OR8B12: variants seen among roughly 807,000 people sequenced by gnomAD.
OR8B12 encodes olfactory receptor 8B12.
For missense variants in OR8B12, 383 were observed against 376.4 expected (o/e 1.02, Z -0.14); for synonymous variants, 152 against 148.8 (o/e 1.02, Z -0.16).
In OR8B12 at chr11:124,543,272, G is replaced by A. The variant is rs771008198; in HGVS notation, c.383C>T (p.Pro128Leu). The change falls in exon 1 of 1, where the codon CCA becomes CTA. Residue 128 changes from proline (P) to leucine (L), a missense_variant. By Grantham distance (98) the Pro-to-Leu change is moderately conservative. Transcript: ENST00000306842. ...AYDRYVAICN[P>L]LLYTVTMSCQ... The stretch of plus-strand genomic sequence containing the variant: ...AGACATGGTGACTGTGTACAACAGT[G>A]GGTTACAGATGGCCACGTAGCGGTC... The A allele has an allele frequency of 5.6e-6, 9 of 1,614,016 alleles. No homozygotes were observed. The highest frequency in any genetic ancestry group is 7.6e-6 in the Non-Finnish European group (9 of 1,179,986).
In OR8B12 at chr11:124,542,841, CT is replaced by C; in HGVS notation, c.813del (p.Val272CysfsTer8). 6.2e-7 allele frequency: 1 copy of C among 1,613,936 alleles called. No individual in the cohort carries two copies. Among genetic ancestry groups the C allele is most frequent in the Non-Finnish European group, 8.5e-7 (1 of 1,179,906 alleles). The stretch of plus-strand genomic sequence containing the variant: ...ATTATGGTATAGAACAGGGAGGACA[CT>C]TTCCCTTGCTCGAGGGGCAGGATGG... ...PLSILPLEQGKVSSLFYTIIV... is the reference protein window; with the variant it reads ...PLSILPLEQGXVSSLFYTIIV... On this transcript the variant is annotated frameshift_variant, in exon 1 of 1. Transcript: ENST00000306842. LOFTEE classifies it high-confidence loss of function.
rs1460599264 is a variant in OR8B12, at chr11:124,542,748, T to G, written c.907A>C (p.Thr303Pro). ...TAAGAAAAGATTTTTCTGCCCAAAG[T>G]TCTCCTCAGGGCAACTTTGACATCC... ...NKDVKVALRR[T>P]LGRKIFS Residue 303 changes from threonine (T) to proline (P), a missense_variant, in exon 1 of 1, where the codon ACT becomes CCT. By Grantham distance (38) the Thr-to-Pro change is conservative (BLOSUM62 -1). Transcript: ENST00000306842. The G allele has an allele frequency of 1.3e-6, 2 of 1,593,788 alleles. No individual in the cohort carries two copies. Among genetic ancestry groups the G allele is most frequent in the East Asian group, 2.2e-5 (1 of 44,642 alleles).
chr11:124,543,621 T>C lies in OR8B12; in HGVS notation c.34A>G (p.Ile12Val). 6.2e-7 allele frequency: 1 copy of C among 1,613,246 alleles called. No individual in the cohort carries two copies. The highest frequency in any genetic ancestry group is 1.1e-5 in the South Asian group (1 of 90,952). The change falls in exon 1 of 1, where the codon ATC becomes GTC. Residue 12 changes from isoleucine to valine, a missense_variant. Transcript: ENST00000306842. Reference sequence around the variant, plus strand: ...GGCTGGTGGGTTAAGCCTTCGAGGATAAACTCTGTCACAGAAGAGTTTTTG... The same window carrying C: ...GGCTGGTGGGTTAAGCCTTCGAGGACAAACTCTGTCACAGAAGAGTTTTTG... ...AAKNSSVTEF[I>V]LEGLTHQPGL...
Position 124,542,759 on chromosome 11 carries a change from G to A in OR8B12, c.896C>T (p.Ala299Val), listed in dbSNP as rs893970366. The A allele has an allele frequency of 1.9e-6, 3 of 1,602,964 alleles. No homozygotes were observed. In the African/African-American group the frequency reaches 4.0e-5, roughly 22 times the overall value. ...TTTTCTGCCCAAAGTTCTCCTCAGG[G>A]CAACTTTGACATCCTTGTTCCTCAA... ...YSLRNKDVKV[A>V]LRRTLGRKIF... The change falls in exon 1 of 1, where the codon GCC (alanine) becomes GTC (valine). Residue 299 changes from alanine to valine, a missense_variant. Physicochemically the swap from Ala to Val is moderately conservative, Grantham distance 64. Coordinates refer to ENST00000306842, the MANE Select transcript of OR8B12 (RefSeq NM_001005195.1).
At position 124,543,163 on chromosome 11, in the gene OR8B12, G is replaced by T. The variant is rs367688238; in HGVS notation, c.492C>A (p.Asn164Lys). 3.7e-4 allele frequency: 593 copies of T among 1,614,086 alleles called. 4 individuals are homozygous for T. The highest frequency in any genetic ancestry group is 1.2e-3 in the Middle Eastern group (7 of 6,060). ...GAMAHTGSIM[N>K]LTFCADNLVN... ...CAAGGTTGTCAGCACAGAAGGTCAG[G>T]TTCATTATGCTTCCTGTGTGGGCCA... Residue 164 changes from asparagine (N) to lysine (K), a missense_variant, in exon 1 of 1, where the codon AAC (asparagine) becomes AAA (lysine). Physicochemically the swap from Asn to Lys is moderately conservative, Grantham distance 94. Transcript: ENST00000306842.
At position 124,543,003 on chromosome 11, in the gene OR8B12, C is replaced by T; in HGVS notation, c.652G>A (p.Ala218Thr). ...MPIVTVFISY[A>T]LILSSILHNS... ...TGTAGAATGCTGGAGAGGATGAGGG[C>T]ATAAGAAATAAAGACAGTGACAATG... The change falls in exon 1 of 1, where the codon GCC (alanine) becomes ACC (threonine). Residue 218 changes from alanine (A) to threonine (T), a missense_variant. Coordinates refer to ENST00000306842, the MANE Select transcript of OR8B12 (RefSeq NM_001005195.1). 1 of 1,613,680 alleles carries T rather than the reference C, an allele frequency of 6.2e-7. No individual in the cohort carries two copies. The highest frequency in any genetic ancestry group is 8.5e-7 in the Non-Finnish European group (1 of 1,179,884).
Position 124,543,040 on chromosome 11 carries a change from G to A in OR8B12, c.615C>T (p.Asp205=), listed in dbSNP as rs776638132. Residue 205 remains aspartate (D), a synonymous_variant, in exon 1 of 1, where the codon GAC becomes GAT. Transcript: ENST00000306842. ...AGACAGTGACAATGGGCATTCCAAC[G>A]TCAACAGCCACCACAATAAAGACCA... The part of the protein sequence containing the change: ...ELVVFIVVAV[D]VGMPIVTVFI... 51 of 1,613,866 alleles carry A rather than the reference G, an allele frequency of 3.2e-5. No individual in the cohort carries two copies. Among genetic ancestry groups the A allele is most frequent in the African/African-American group, 8.0e-5 (6 of 74,916 alleles).
In OR8B12 at chr11:124,543,072, C is replaced by T. The variant is rs1336848483; in HGVS notation, c.583G>A (p.Glu195Lys). 4 of 1,614,048 alleles carry T rather than the reference C, an allele frequency of 2.5e-6. No individual in the cohort carries two copies. The highest frequency in any genetic ancestry group is 2.2e-5 in the East Asian group (1 of 44,856). Residue 195 changes from glutamate (E) to lysine (K), a missense_variant, in exon 1 of 1, where the codon GAG becomes AAG. Coordinates refer to ENST00000306842, the MANE Select transcript of OR8B12 (RefSeq NM_001005195.1). The stretch of plus-strand genomic sequence containing the variant: ...GCCACCACAATAAAGACCACCAGCT[C>T]ATTCATGTAAGAGCTGTTGCAGGAG... The part of the protein sequence containing the change: ...ELSCNSSYMN[E>K]LVVFIVVAVD...
In OR8B12 at chr11:124,543,334, G is replaced by C. The variant is rs373688316; in HGVS notation, c.321C>G (p.Val107=). The part of the protein sequence containing the change: ...MTQLFFFCFF[V]VSESFILSAM... ...CTGACAGGATGAAGGACTCAGAGAC[G>C]ACAAAGAAGCAGAAGAAGAAGAGCT... is the stretch of plus-strand genomic sequence containing the variant. The change falls in exon 1 of 1, where the codon GTC becomes GTG. Residue 107 remains valine, a synonymous_variant. Coordinates refer to ENST00000306842, the MANE Select transcript of OR8B12 (RefSeq NM_001005195.1). 1.2e-6 allele frequency: 2 copies of C among 1,613,924 alleles called. No homozygotes were observed. Among genetic ancestry groups the C allele is most frequent in the East Asian group, 4.5e-5 (2 of 44,860 alleles).
chr11:124,543,392 T>C lies in OR8B12; in HGVS notation c.263A>G (p.Lys88Arg). 6.2e-7 allele frequency: 1 copy of C among 1,614,118 alleles called. No individual in the cohort carries two copies. The highest frequency in any genetic ancestry group is 8.5e-7 in the Non-Finnish European group (1 of 1,179,994). Residue 88 changes from lysine to arginine, a missense_variant, in exon 1 of 1, where the codon AAG becomes AGG. Lys to Arg is a conservative substitution (Grantham distance 26). Transcript: ENST00000306842. ...PKMLMSFVSRKNIISFTGCMT... is the reference protein window; with the variant it reads ...PKMLMSFVSRRNIISFTGCMT... The stretch of plus-strand genomic sequence containing the variant: ...ACACCCTGTGAAGGAAATGATGTTC[T>C]TCCTTGAGACAAAACTCATCAGCAT...
In OR8B12 at chr11:124,543,402, CA is replaced by C; in HGVS notation, c.252del (p.Phe84LeufsTer14). 1 of 1,614,032 alleles carries C rather than the reference CA, an allele frequency of 6.2e-7. No individual in the cohort carries two copies. Among genetic ancestry groups the C allele is most frequent in the Admixed American group, 1.7e-5 (1 of 60,008 alleles). On this transcript the variant is annotated frameshift_variant, in exon 1 of 1. Coordinates refer to ENST00000306842, the MANE Select transcript of OR8B12 (RefSeq NM_001005195.1). LOFTEE classifies it low-confidence loss of function (END_TRUNC). ...AAGGAAATGATGTTCTTCCTTGAGA[CA>C]AAACTCATCAGCATTTTGGGAGTGA... ...TTITPKMLMS[F>X]VSRKNIISFT...
At position 124,543,256 on chromosome 11, in the gene OR8B12, G is replaced by A. The variant is rs755008742; in HGVS notation, c.399C>T (p.Val133=). Residue 133 remains valine (V), a synonymous_variant, in exon 1 of 1, where the codon GTC becomes GTT. Transcript: ENST00000306842. ...GCAAACACACCTGGCAAGACATGGT[G>A]ACTGTGTACAACAGTGGGTTACAGA... ...VAICNPLLYT[V]TMSCQVCLLL... is the part of the protein sequence containing the mutation. 6.2e-7 allele frequency: 1 copy of A among 1,614,098 alleles called. No homozygotes were observed. Among genetic ancestry groups the A allele is most frequent in the South Asian group, 1.1e-5 (1 of 91,066 alleles).
chr11:124,543,234 A>G lies in OR8B12; in HGVS notation c.421T>C (p.Leu141=). ...YTVTMSCQVC[L]LLLLGAYGMG... ...CCATAGGCACCCAACAAAAGGAGCA[A>G]ACACACCTGGCAAGACATGGTGACT... Residue 141 remains leucine (L), a synonymous_variant, in exon 1 of 1, where the codon TTG becomes CTG. Transcript: ENST00000306842. 1 of 1,614,138 alleles carries G rather than the reference A, an allele frequency of 6.2e-7. No homozygotes were observed. The highest frequency in any genetic ancestry group is 8.5e-7 in the Non-Finnish European group (1 of 1,180,006).
In OR8B12 at chr11:124,542,763, C is replaced by T; in HGVS notation, c.892G>A (p.Val298Ile). 2.5e-6 allele frequency: 4 copies of T among 1,604,816 alleles called. No homozygotes were observed. Among genetic ancestry groups the T allele is most frequent in the Non-Finnish European group, 3.4e-6 (4 of 1,176,570 alleles). The change falls in exon 1 of 1, where the codon GTT becomes ATT. Residue 298 changes from valine (V) to isoleucine (I), a missense_variant. Physicochemically the swap from Val to Ile is conservative, Grantham distance 29. Transcript: ENST00000306842. ...IYSLRNKDVKVALRRTLGRKI... is the reference protein window; with the variant it reads ...IYSLRNKDVKIALRRTLGRKI... ...CTGCCCAAAGTTCTCCTCAGGGCAA[C>T]TTTGACATCCTTGTTCCTCAAGCTA...
In OR8B12 at chr11:124,542,809, G is replaced by T. The variant is rs149461306; in HGVS notation, c.846C>A (p.Pro282=). 5.4e-4 allele frequency: 874 copies of T among 1,613,826 alleles called. No homozygotes were observed. The highest frequency in any genetic ancestry group is 8.2e-4 in the South Asian group (75 of 91,040). The part of the protein sequence containing the change: ...VSSLFYTIIV[P]VLNPLIYSLR... ...AGCTATAGATTAATGGGTTTAACAC[G>T]GGGACTATTATGGTATAGAACAGGG... Residue 282 remains proline (P), a synonymous_variant, in exon 1 of 1, where the codon CCC becomes CCA. Coordinates refer to ENST00000306842, the MANE Select transcript of OR8B12 (RefSeq NM_001005195.1).
chr11:124,542,982 G>A lies in OR8B12; in HGVS notation c.673C>T (p.Leu225=). ...CTGCCTTCTGTAGAACTGTTGTGTA[G>A]AATGCTGGAGAGGATGAGGGCATAA... ...ISYALILSSI[L]HNSSTEGRSK... is the part of the protein sequence containing the mutation. Residue 225 remains leucine (L), a synonymous_variant, in exon 1 of 1, where the codon CTA becomes TTA. Transcript: ENST00000306842. 6.2e-7 allele frequency: 1 copy of A among 1,613,794 alleles called. No homozygotes were observed. Among genetic ancestry groups the A allele is most frequent in the African/African-American group, 1.3e-5 (1 of 75,030 alleles).
At position 124,543,471 on chromosome 11, in the gene OR8B12, GGAA is replaced by G. The variant is rs1565380345; in HGVS notation, c.181_183del (p.Phe61del). 3 of 1,614,112 alleles carry G rather than the reference GGAA, an allele frequency of 1.9e-6. No homozygotes were observed. Among genetic ancestry groups the G allele is most frequent in the Non-Finnish European group, 8.5e-7 (1 of 1,179,996 alleles). ...AAATCTATTAAAGAGAGGTTAAAAA[GGAA>G]GAAGTACATGGGAGTGTGCAGGTGA... On this transcript the variant is annotated inframe_deletion, in exon 1 of 1. Transcript: ENST00000306842.
Position 124,543,556 on chromosome 11 carries a change from G to C in OR8B12, c.99C>G (p.Phe33Leu). 1 of 1,614,066 alleles carries C rather than the reference G, an allele frequency of 6.2e-7. No individual in the cohort carries two copies. The highest frequency in any genetic ancestry group is 8.5e-7 in the Non-Finnish European group (1 of 1,179,962). ...GGTTCCCCACCACGGTGACCGTGTAGAAACCCAGAAACAGGAAGAAGAGGG... is the reference window on the plus strand; with the variant it reads ...GGTTCCCCACCACGGTGACCGTGTACAAACCCAGAAACAGGAAGAAGAGGG... ...RIPLFFLFLG[F>L]YTVTVVGNLG... Residue 33 changes from phenylalanine to leucine, a missense_variant, in exon 1 of 1, where the codon TTC (phenylalanine) becomes TTG (leucine). By Grantham distance (22) the Phe-to-Leu change is conservative. Coordinates refer to ENST00000306842, the MANE Select transcript of OR8B12 (RefSeq NM_001005195.1).
Position 124,543,117 on chromosome 11 carries a change from TG to T in OR8B12, c.537del (p.Asp179GlufsTer15), listed in dbSNP as rs1292493814. The T allele has an allele frequency of 1.2e-6, 2 of 1,613,724 alleles. No individual in the cohort carries two copies. The highest frequency in any genetic ancestry group is 2.7e-5 in the African/African-American group (2 of 74,860). ...ADNLVNHFMC[D>X]ILPLLELSCN... is the part of the protein sequence containing the mutation. ...CAGGAGAGCTCAAGGAGAGGAAGGA[TG>T]TCACACATGAAATGATTGACAAGGT... On this transcript the variant is annotated frameshift_variant, in exon 1 of 1. Transcript: ENST00000306842. LOFTEE classifies it low-confidence loss of function (END_TRUNC).
Sources: allele counts gnomAD v4.1 joint callset, GRCh38; gene constraint gnomAD v4.1.1; transcripts MANE v1.5; gene names NCBI Gene and HGNC (gene_info 2026-07-23, HGNC 2026-07-21).